PPM1B: variants seen among roughly 807,000 people sequenced by gnomAD.
The protein encoded by PPM1B is protein phosphatase 1B.
A neutral mutation model predicts 43.0 loss-of-function variants in PPM1B; 22 were observed. That is an observed-to-expected ratio of 0.51 (90% CI 0.37 to 0.73). The LOEUF (loss-of-function observed/expected upper bound fraction) is 0.73, where lower values mean the gene tolerates loss of function less well. Among genes scored for constraint, PPM1B ranks in the 30% least tolerant of loss-of-function variants. PPM1B has a pLI of 0.00. For synonymous variants in PPM1B, 217 were observed against 197.9 expected, an observed-to-expected ratio of 1.10 and a Z score of -0.81; for missense variants, 632 against 584.2, an observed-to-expected ratio of 1.08 and a Z score of -0.84.
At chr2:44,170,167 T>C (rs1030348656) in intron 1 of PPM1B, among the ~76,000 whole-genome samples, 5 of 152,194 alleles carry the variant, frequency 3.3e-5, no homozygotes, top group Non-Finnish European at 7.4e-5. Context: ...TTGCCCATCT[T>C]ATTCGGCAAA....
chr2:44,234,538 A>G, downstream of PPM1B: 1 of 985,446 alleles, frequency 1.0e-6, no homozygotes, highest in African/African-American at 1.7e-5. Context: ...AAAAAGAAAA[A>G]AAAAAACTTT....
At chr2:44,187,936 G>C (rs963391302) in intron 1 of PPM1B, among the ~76,000 whole-genome samples, 1 of 152,054 alleles carries the variant, frequency 6.6e-6, no homozygotes, top group Admixed American at 6.6e-5. Context: ...ATTTTTATTA[G>C]AGACGGGGTT....
At chr2:44,199,712 A>C (rs79114127) in intron 1 of PPM1B, among the ~76,000 whole-genome samples, 6 of 152,220 alleles carry the variant, frequency 3.9e-5, no homozygotes, top group Admixed American at 3.9e-4. Context: ...ATGACATTCT[A>C]CTGATAGAAT....
chr2:44,204,858 CAAAAAAAAAAA>C (rs368660082), intron 2 of PPM1B, among the ~76,000 whole-genome samples: 42 of 36,700 alleles, frequency 1.1e-3, no homozygotes, highest in Non-Finnish European at 1.5e-3. Context: ...GACTCCGTCT[CAAAAAAAAAAA>C]AAAAAAAAAA....
Position 44,205,354 on chromosome 2 carries a change from G to GGTGTGTGTGTCGGGGTGTGTGTGT in PPM1B, c.846+3319_846+3320insCGGGGTGTGTGTGTGTGTGTGTGT, listed in dbSNP as rs1553333036. On this transcript the variant is annotated intron_variant, in intron 2 of 5. Coordinates refer to ENST00000282412, the MANE Select transcript of PPM1B (RefSeq NM_002706.6). ...AAGAGTGGGTGTGGGTGTGGGTGTG[G>GGTGTGTGTGTCGGGGTGTGTGTGT]GTGTGTGTGTGTGTGTGTGTGTGTG... is the stretch of plus-strand genomic sequence containing the variant. 9.8e-3 allele frequency among the ~76,000 whole-genome samples: 903 copies of GGTGTGTGTGTCGGGGTGTGTGTGT among 91,762 alleles called. 9 individuals are homozygous for GGTGTGTGTGTCGGGGTGTGTGTGT. Among genetic ancestry groups the GGTGTGTGTGTCGGGGTGTGTGTGT allele is most frequent in the African/African-American group, 0.021 (608 of 29,218 alleles). 60.2% of individuals were successfully genotyped at this position (91,762 alleles called of 152,430 possible).
intron 1 of PPM1B, among the ~76,000 whole-genome samples, chr2:44,190,766 A>G (rs1034275960): frequency 3.3e-5 from 5 of 152,200 alleles, no homozygotes; most frequent in Non-Finnish European, 7.3e-5. Context: ...TAAATTGAAC[A>G]GCGCAAGTAC....
intron 1 of PPM1B, among the ~76,000 whole-genome samples, chr2:44,176,929 C>G (rs12617025): frequency 0.13 from 20,276 of 152,038 alleles, 1,684 homozygotes; most frequent in South Asian, 0.24. Context: ...TACAGGCCTG[C>G]GGCACCACGC....
chr2:44,188,389 CTTTCTT>C (rs1668228669), intron 1 of PPM1B, among the ~76,000 whole-genome samples: 2 of 118,730 alleles, frequency 1.7e-5, no homozygotes, highest in African/African-American at 6.5e-5. Context: ...TTCTTTCTTT[CTTTCTT>C]TTTTTTTTTT....
At chr2:44,171,139 T>C (rs535861926) in intron 1 of PPM1B, among the ~76,000 whole-genome samples, 2 of 152,234 alleles carry the variant, frequency 1.3e-5, no homozygotes. Context: ...TTGAAGTGAT[T>C]GTTCTCTTTG....
downstream of PPM1B, among the ~76,000 whole-genome samples, chr2:44,231,951 C>T (rs375260467): frequency 2.6e-5 from 4 of 152,102 alleles, no homozygotes; most frequent in Non-Finnish European, 4.4e-5. Flanking sequence ...TTCGTCTTTA[C>T]GTTTATATTT....
chr2:44,172,884 A>G (rs1315982847), intron 1 of PPM1B, among the ~76,000 whole-genome samples: 3 of 152,210 alleles, frequency 2.0e-5, no homozygotes, highest in Non-Finnish European at 4.4e-5. Context: ...TCCAGCCTGG[A>G]TGACAGAGTG....
intron 5 of PPM1B, 77 bp downstream of exon 5, chr2:44,218,614 A>T (rs1669832888): frequency 1.0e-6 from 1 of 1,000,626 alleles, no homozygotes; most frequent in South Asian, 1.5e-5. Context: ...ATTCACATTA[A>T]CGAAGTCTAT....
chr2:44,236,401 T>TAAAAAAAAAAAAAAAAAAA (rs1670612464), downstream of PPM1B, among the ~76,000 whole-genome samples: 1 of 10,238 alleles, frequency 9.8e-5, no homozygotes, highest in Non-Finnish European at 2.0e-4. Context: ...AGACTCCGTC[T>TAAAAAAAAAAAAAAAAAAA]CAAAAAAAAA....
chr2:44,176,991 G>C (rs181724416), intron 1 of PPM1B, among the ~76,000 whole-genome samples: 211 of 152,246 alleles, frequency 1.4e-3, no homozygotes, highest in African/African-American at 4.8e-3. Context: ...TGTTGGCCAA[G>C]CTGGTCTCAA....
intron 3 of PPM1B, among the ~76,000 whole-genome samples, chr2:44,210,240 A>G (rs1259469563): frequency 7.2e-6 from 1 of 138,050 alleles, no homozygotes; most frequent in Non-Finnish European, 1.5e-5. Flanking sequence ...TTTTTGAGAT[A>G]GGGTCTTGCT....
intron 1 of PPM1B, among the ~76,000 whole-genome samples, chr2:44,169,673 C>G (rs1667228620): frequency 6.6e-6 from 1 of 152,274 alleles, no homozygotes; most frequent in Admixed American, 6.5e-5. Flanking sequence ...AAAACACTAT[C>G]TTTTACCATT....
chr2:44,238,498 T>TA (rs1670678420), downstream of PPM1B, among the ~76,000 whole-genome samples: 1 of 151,966 alleles, frequency 6.6e-6, no homozygotes, highest in Admixed American at 6.6e-5. Flanking sequence ...GGTCAGGAGT[T>TA]AGAGACCGGC....
chr2:44,209,419 A>C, intron 3 of PPM1B, 92 bp downstream of exon 3: 1 of 1,360,540 alleles, frequency 7.4e-7, no homozygotes, highest in Non-Finnish European at 9.9e-7. Flanking sequence ...GCGACACACC[A>C]AGGCTCTGTC....
At chr2:44,174,159 A>G (rs2103992974) in intron 1 of PPM1B, among the ~76,000 whole-genome samples, 1 of 152,322 alleles carries the variant, frequency 6.6e-6, no homozygotes, top group Non-Finnish European at 1.5e-5. Context: ...TTTCTCTTGG[A>G]GAATGTTTAA....
Sources: allele counts gnomAD v4.1 joint callset (sites outside exome capture counted in the v4.1 genomes callset), GRCh38; gene constraint gnomAD v4.1.1; transcripts MANE v1.5; gene names NCBI Gene and HGNC (gene_info 2026-07-23, HGNC 2026-07-21).